Variants in RNGTT observed in about 807,000 individuals in gnomAD.
RNGTT encodes RNA guanylyltransferase and 5'-phosphatase.
Under a neutral mutation model 79.3 loss-of-function variants are expected in RNGTT, and 33 were observed. The ratio of observed to expected loss-of-function variants is 0.42; its 90% CI spans 0.32 to 0.56. RNGTT has a LOEUF of 0.56. Among genes scored for constraint, RNGTT ranks in the 20% least tolerant of loss-of-function variants. The pLI, the probability that RNGTT is intolerant of heterozygous loss-of-function variation, is 0.17. For synonymous variants in RNGTT, 222 were observed against 235.9 expected (o/e 0.94, Z 0.54); for missense variants, 497 against 739.1 (o/e 0.67, Z 3.80).
chr6:88,871,271 T>C (rs566750950), intron 8 of RNGTT, among the ~76,000 whole-genome samples: 1 of 152,046 alleles, frequency 6.6e-6, no homozygotes, highest in Admixed American at 6.5e-5. Flanking sequence ...ACAGAAATTT[T>C]CAAAGTATGA....
chr6:88,876,346 C>T (rs1222511074), intron 8 of RNGTT, among the ~76,000 whole-genome samples: 4 of 152,014 alleles, frequency 2.6e-5, no homozygotes, highest in South Asian at 2.1e-4. Flanking sequence ...CTGGACAACA[C>T]GGGGAAACCC....
At chr6:88,644,889 C>G (rs948698561) in intron 14 of RNGTT, among the ~76,000 whole-genome samples, 2 of 152,158 alleles carry the variant, frequency 1.3e-5, no homozygotes, top group African/African-American at 2.4e-5. Context: ...AAGCCACAGC[C>G]AATATCATAC....
intron 14 of RNGTT, among the ~76,000 whole-genome samples, chr6:88,658,110 A>G (rs1406857171): frequency 6.6e-5 from 10 of 152,196 alleles, no homozygotes; most frequent in Admixed American, 6.5e-4. Flanking sequence ...TGGTCTCTTG[A>G]AAGCGCCACC....
chr6:88,832,465 TAAACCCATAA>T (rs1780904476), intron 11 of RNGTT, among the ~76,000 whole-genome samples: 1 of 152,176 alleles, frequency 6.6e-6, no homozygotes, highest in Non-Finnish European at 1.5e-5. Context: ...ACATAAGACC[TAAACCCATAA>T]AAACCCTGTA....
intron 6 of RNGTT, among the ~76,000 whole-genome samples, chr6:88,894,999 T>TTAAAG (rs1783185756): frequency 6.6e-6 from 1 of 152,210 alleles, no homozygotes; most frequent in Admixed American, 6.5e-5. Context: ...TAATTGAGTA[T>TTAAAG]TAAAGTCACT....
chr6:88,938,445 T>C (rs1338036024), intron 2 of RNGTT, among the ~76,000 whole-genome samples: 4 of 152,218 alleles, frequency 2.6e-5, no homozygotes, highest in Non-Finnish European at 4.4e-5. Context: ...GAGTTTCTTG[T>C]AGGCAGCATA....
chr6:88,904,602 A>T (rs1467091780), intron 6 of RNGTT, 113 bp downstream of exon 6: 1 of 1,274,316 alleles, frequency 7.8e-7, no homozygotes, highest in Non-Finnish European at 1.1e-6. Flanking sequence ...GCTAGGATGA[A>T]TCATCTGACA....
intron 12 of RNGTT, among the ~76,000 whole-genome samples, chr6:88,779,546 A>C (rs1470920469): frequency 1.3e-5 from 2 of 152,214 alleles, no homozygotes; most frequent in African/African-American, 4.8e-5. Context: ...AACAACATGT[A>C]TCAACTCTTC....
intron 12 of RNGTT, among the ~76,000 whole-genome samples, chr6:88,784,320 C>A (rs76701608): frequency 1.3e-5 from 2 of 152,004 alleles, no homozygotes; most frequent in Non-Finnish European, 2.9e-5. Flanking sequence ...ATGGTACTTA[C>A]AATCTAGTAA....
intron 13 of RNGTT, among the ~76,000 whole-genome samples, chr6:88,736,332 T>C (rs983446137): frequency 6.6e-6 from 1 of 152,124 alleles, no homozygotes; most frequent in Non-Finnish European, 1.5e-5. Context: ...ATGAGAACAT[T>C]ACCTTAATAC....
chr6:88,836,902 C>A (rs9362571), intron 11 of RNGTT, among the ~76,000 whole-genome samples: 5,717 of 151,278 alleles, frequency 0.038, 165 homozygotes, highest in African/African-American at 0.076. Flanking sequence ...AAATACCCCC[C>A]AAAAAAAAGA....
At chr6:88,895,522 T>A (rs906261428) in intron 6 of RNGTT, among the ~76,000 whole-genome samples, 8 of 152,050 alleles carry the variant, frequency 5.3e-5, no homozygotes, top group Non-Finnish European at 1.0e-4. Context: ...AAGAGAACTA[T>A]CAGAATTAAT....
chr6:88,704,259 CAAAAAAAAAAA>C (rs35623392), intron 13 of RNGTT, among the ~76,000 whole-genome samples: 55 of 48,732 alleles, frequency 1.1e-3, no homozygotes, highest in Middle Eastern at 0.013. Context: ...GACTCTGTCT[CAAAAAAAAAAA>C]AAAAAAAAAA....
At chr6:88,678,192 A>G (rs1051326567) in intron 14 of RNGTT, 161 bp downstream of exon 14, 3 of 1,264,928 alleles carry the variant, frequency 2.4e-6, no homozygotes, top group East Asian at 3.3e-5. Flanking sequence ...CAGGGTTCCC[A>G]GCATGGTCTC....
intron 13 of RNGTT, among the ~76,000 whole-genome samples, chr6:88,721,423 G>A (rs570493712): frequency 6.6e-6 from 1 of 150,986 alleles, no homozygotes; most frequent in Non-Finnish European, 1.5e-5. Context: ...TTTTTTGTTT[G>A]TTTTTGGTCT....
intron 8 of RNGTT, among the ~76,000 whole-genome samples, chr6:88,874,003 T>A (rs1782435454): frequency 6.6e-6 from 1 of 152,124 alleles, no homozygotes; most frequent in Non-Finnish European, 1.5e-5. Flanking sequence ...AGTAAATAAA[T>A]CTCATGAATC....
At chr6:88,686,474 A>T (rs1351870802) in intron 13 of RNGTT, among the ~76,000 whole-genome samples, 1 of 152,112 alleles carries the variant, frequency 6.6e-6, no homozygotes, top group Non-Finnish European at 1.5e-5. Context: ...ATTAAAAATC[A>T]TCCTAAAGAA....
intron 12 of RNGTT, among the ~76,000 whole-genome samples, chr6:88,794,881 G>A (rs1779542445): frequency 6.6e-6 from 1 of 152,202 alleles, no homozygotes; most frequent in Admixed American, 6.5e-5. Flanking sequence ...ATGGAATGGA[G>A]AGCAATGAAG....
At chr6:88,636,826 C>T (rs1773117546) in intron 14 of RNGTT, among the ~76,000 whole-genome samples, 1 of 151,312 alleles carries the variant, frequency 6.6e-6, no homozygotes, top group South Asian at 2.1e-4. Flanking sequence ...ATATAGCAGG[C>T]AGTTTAAGGA....
Sources: gnomAD v4.1 joint callset for allele counts (sites outside exome capture counted in the v4.1 genomes callset) on GRCh38, gnomAD v4.1.1 for gene constraint, MANE v1.5 for transcripts, NCBI Gene and HGNC (gene_info 2026-07-23, HGNC 2026-07-21) for gene names.